The following BRD4 variants were observed in gnomAD, a reference collection of about 807,000 sequenced individuals.
BRD4 encodes the protein bromodomain-containing protein 4.
BRD4 carries 16 observed loss-of-function variants against 142.1 expected under a neutral mutation model. The observed-to-expected ratio is 0.11, with a 90% CI of 0.08 to 0.17. The LOEUF (loss-of-function observed/expected upper bound fraction) is 0.17, where lower values mean the gene tolerates loss of function less well. Ranked by LOEUF, BRD4 falls within the 10% of genes least tolerant of loss-of-function variation. BRD4 has a pLI of 1.00. For missense variants in BRD4, 1,424 were observed against 1,810.9 expected (o/e 0.79, Z 3.88); for synonymous variants, 833 against 707.5 (o/e 1.18, Z -2.82).
chr19:15,268,689 C>G (rs759855778), intron 3 of BRD4, among the ~76,000 whole-genome samples: 1 of 152,104 alleles, frequency 6.6e-6, no homozygotes, highest in Non-Finnish European at 1.5e-5. Context: ...CTTGCAAGTT[C>G]AACATGGCCA....
Position 15,302,635 on chromosome 19 carries a change from C to A in BRD4, c.-34-29502G>T, listed in dbSNP as rs2047879002. Among the ~76,000 whole-genome samples the A allele has an allele frequency of 2.2e-5, 3 of 134,726 alleles. No homozygotes were observed. In the Admixed American group the frequency reaches 2.5e-4, roughly 11 times the overall value. The allele number at this position is 134,726 out of a possible 152,430, so 88.4% of individuals were successfully genotyped here. A position where few individuals can be genotyped will look rare whatever the true frequency, so the allele number is the denominator to read the frequency against. Reference sequence around the variant, plus strand: ...AGTGAGCTGAGATCGTGCCACTGCACTCCAGCCTGGACAACTGAGCAAGAC... The same window carrying A: ...AGTGAGCTGAGATCGTGCCACTGCAATCCAGCCTGGACAACTGAGCAAGAC... On this transcript the variant is annotated intron_variant, in intron 1 of 19. Transcript: ENST00000679869.
intron 1 of BRD4, among the ~76,000 whole-genome samples, chr19:15,330,826 G>T (rs2048150460): frequency 6.6e-6 from 1 of 152,138 alleles, no homozygotes; most frequent in Non-Finnish European, 1.5e-5. Context: ...AAACTTTCTT[G>T]AAATTAAAAA....
intron 1 of BRD4, among the ~76,000 whole-genome samples, chr19:15,321,838 A>T (rs776386200): frequency 1.1e-4 from 16 of 152,240 alleles, no homozygotes; most frequent in Non-Finnish European, 2.4e-4. Context: ...AAACTACTAG[A>T]CCTTCACCAC....
At chr19:15,287,320 A>G (rs918403929) in intron 1 of BRD4, among the ~76,000 whole-genome samples, 2 of 152,094 alleles carry the variant, frequency 1.3e-5, no homozygotes, top group African/African-American at 4.8e-5. Context: ...AAAACTTACC[A>G]CTTTAACCAT....
chr19:15,294,449 T>G (rs1290929044), intron 1 of BRD4, among the ~76,000 whole-genome samples: 1 of 152,278 alleles, frequency 6.6e-6, no homozygotes, highest in Non-Finnish European at 1.5e-5. Context: ...TGTTGGTATG[T>G]GATTTTTGCA....
intron 1 of BRD4, among the ~76,000 whole-genome samples, chr19:15,299,361 ATACCCATCAAAGTCTTT>A (rs1196967777): frequency 3.3e-5 from 5 of 152,194 alleles, no homozygotes; most frequent in Non-Finnish European, 7.3e-5. Context: ...ATGTGCTCAT[ATACCCATCAAAGTCTTT>A]TACCCATCAA....
chr19:15,313,807 C>T (rs1387705213), intron 1 of BRD4, among the ~76,000 whole-genome samples: 2 of 152,182 alleles, frequency 1.3e-5, no homozygotes, highest in Non-Finnish European at 2.9e-5. Flanking sequence ...AGCACATGAA[C>T]TAATGGGCAG....
chr19:15,319,629 A>G (rs1201678650), intron 1 of BRD4, among the ~76,000 whole-genome samples: 2 of 151,304 alleles, frequency 1.3e-5, no homozygotes, highest in African/African-American at 2.4e-5. Flanking sequence ...ATAAAAATAA[A>G]AAGTATTCAA....
At chr19:15,240,427 C>T (rs1460572281) in intron 14 of BRD4, among the ~76,000 whole-genome samples, 1 of 152,190 alleles carries the variant, frequency 6.6e-6, no homozygotes, top group Non-Finnish European at 1.5e-5. Context: ...ACCCACAAAG[C>T]TCAGCCTGGG....
At chr19:15,299,624 C>G (rs1388237357) in intron 1 of BRD4, among the ~76,000 whole-genome samples, 2 of 152,222 alleles carry the variant, frequency 1.3e-5, no homozygotes, top group East Asian at 3.9e-4. Context: ...CATGTAGAGA[C>G]ACACACAGAA....
At chr19:15,247,250 A>G (rs1200591471) in intron 11 of BRD4, 2 of 226,586 alleles carry the variant, frequency 8.8e-6, no homozygotes, top group Non-Finnish European at 1.8e-5. Context: ...AGGAGTCCCC[A>G]TCTGCACTGA....
chr19:15,250,310 AG>A (rs2047331011), intron 11 of BRD4, among the ~76,000 whole-genome samples: 1 of 152,138 alleles, frequency 6.6e-6, no homozygotes, highest in Non-Finnish European at 1.5e-5. Context: ...CCCCACCTCC[AG>A]GGTCCTCACC....
intron 1 of BRD4, among the ~76,000 whole-genome samples, chr19:15,296,394 C>T (rs1486464428): frequency 1.3e-5 from 2 of 152,148 alleles, no homozygotes; most frequent in Admixed American, 6.5e-5. Flanking sequence ...ATGCTGTGGC[C>T]GCATTTGTTC....
At chr19:15,309,121 G>C (rs1301261972) in intron 1 of BRD4, among the ~76,000 whole-genome samples, 1 of 152,004 alleles carries the variant, frequency 6.6e-6, no homozygotes, top group Non-Finnish European at 1.5e-5. Flanking sequence ...CAGATCACAA[G>C]GTCAGATCAA....
chr19:15,319,655 G>A (rs1487789007), intron 1 of BRD4, among the ~76,000 whole-genome samples: 3 of 152,024 alleles, frequency 2.0e-5, no homozygotes, highest in South Asian at 2.1e-4. Flanking sequence ...TCAAGAGGCA[G>A]GGTGAAGTGG....
intron 1 of BRD4, among the ~76,000 whole-genome samples, chr19:15,310,910 T>C (rs1383286798): frequency 6.6e-6 from 1 of 152,184 alleles, no homozygotes; most frequent in Non-Finnish European, 1.5e-5. Flanking sequence ...CCAAAATCAG[T>C]TTCCGTGTGG....
intron 1 of BRD4, among the ~76,000 whole-genome samples, chr19:15,330,987 A>C (rs945536798): frequency 6.6e-6 from 1 of 152,130 alleles, no homozygotes; most frequent in African/African-American, 2.4e-5. Flanking sequence ...TGGTTTTTGG[A>C]ACCACGGACT....
At chr19:15,251,050 T>A (rs982216196) in intron 11 of BRD4, among the ~76,000 whole-genome samples, 1 of 152,142 alleles carries the variant, frequency 6.6e-6, no homozygotes, top group Non-Finnish European at 1.5e-5. Context: ...ATAGCTGGAA[T>A]CAGAGGAAGT....
At chr19:15,302,890 C>A (rs2047882701) in intron 1 of BRD4, among the ~76,000 whole-genome samples, 1 of 150,242 alleles carries the variant, frequency 6.7e-6, no homozygotes, top group Non-Finnish European at 1.5e-5. Context: ...CACCTGTAGT[C>A]CCAGCTACTT....
Sources: gnomAD v4.1 joint callset for allele counts (sites outside exome capture counted in the v4.1 genomes callset) on GRCh38, gnomAD v4.1.1 for gene constraint, MANE v1.5 for transcripts, NCBI Gene and HGNC (gene_info 2026-07-23, HGNC 2026-07-21) for gene names.